Variants in SLCO2A1 observed in about 807,000 individuals in gnomAD.
The protein encoded by SLCO2A1 is matrin F/G 1.
Under a neutral mutation model 71.7 loss-of-function variants are expected in SLCO2A1, and 60 were observed. That is an observed-to-expected ratio of 0.84 (90% confidence interval 0.68 to 1.04). SLCO2A1 has a LOEUF of 1.04. SLCO2A1 is among the 50% of genes least tolerant of loss of function. SLCO2A1 has a pLI of 0.00. For synonymous variants in SLCO2A1, 308 were observed against 326.7 expected (o/e 0.94, Z 0.62); for missense variants, 745 against 813.4 (o/e 0.92, Z 1.02).
chr3:134,005,751 G>A (rs977325339), intron 1 of SLCO2A1, among the ~76,000 whole-genome samples: 5 of 152,090 alleles, frequency 3.3e-5, no homozygotes, highest in African/African-American at 1.2e-4. Flanking sequence ...AAAGTGCTAG[G>A]ATTACAGGCG....
chr3:134,021,649 G>GAGAGAA (rs1935580817), intron 1 of SLCO2A1, among the ~76,000 whole-genome samples: 1 of 150,990 alleles, frequency 6.6e-6, no homozygotes, highest in Non-Finnish European at 1.5e-5. Context: ...AGGAGAGAGA[G>GAGAGAA]AGAGAAAGAG....
chr3:133,961,614 T>C lies in SLCO2A1; in HGVS notation c.398-6421A>G, dbSNP rs2108049148. On this transcript the variant is annotated intron_variant, in intron 3 of 13. Coordinates refer to ENST00000310926, the MANE Select transcript of SLCO2A1 (RefSeq NM_005630.3). ...ATGCAGTGTTCAGGAGGTGAAACTT[T>C]CTGGGGATTGTTTAACTGCTACCAC... Among the ~76,000 whole-genome samples, 4 of 152,330 alleles carry C rather than the reference T, an allele frequency of 2.6e-5. No individual in the cohort carries two copies. The Middle Eastern group carries it at 0.014, about 518-fold the overall frequency.
chr3:134,016,233 G>A (rs1170852581), intron 1 of SLCO2A1, among the ~76,000 whole-genome samples: 1 of 151,994 alleles, frequency 6.6e-6, no homozygotes, highest in Non-Finnish European at 1.5e-5. Flanking sequence ...CTTGTTAAGA[G>A]GATGAAAAAA....
chr3:133,953,469 G>A (rs538728712), intron 5 of SLCO2A1, among the ~76,000 whole-genome samples, 194 bp downstream of exon 5: 8 of 152,376 alleles, frequency 5.3e-5, no homozygotes, highest in South Asian at 2.1e-4. Context: ...AGTGGCCAGC[G>A]TGGGCCCTGA....
chr3:134,023,278 C>T (rs1935629366), intron 1 of SLCO2A1, among the ~76,000 whole-genome samples: 1 of 152,186 alleles, frequency 6.6e-6, no homozygotes, highest in Non-Finnish European at 1.5e-5. Context: ...TTAATCTATT[C>T]TATTACTCTT....
chr3:133,986,859 GC>G (rs892196242), intron 1 of SLCO2A1, among the ~76,000 whole-genome samples: 1 of 152,134 alleles, frequency 6.6e-6, no homozygotes, highest in Non-Finnish European at 1.5e-5. Flanking sequence ...TCTAGACATG[GC>G]TTTTTTTGAT....
chr3:133,947,621 A>G (rs1933620056), intron 8 of SLCO2A1, among the ~76,000 whole-genome samples, 176 bp from the exon 9 acceptor site: 1 of 152,254 alleles, frequency 6.6e-6, no homozygotes, highest in Non-Finnish European at 1.5e-5. Context: ...TGCCAGGCAC[A>G]TCTAGAGAAA....
At chr3:133,981,940 A>G (rs1934601432) in intron 1 of SLCO2A1, among the ~76,000 whole-genome samples, 1 of 144,984 alleles carries the variant, frequency 6.9e-6, no homozygotes, top group Non-Finnish European at 1.5e-5. Flanking sequence ...GTGCCACTGC[A>G]TTCCATCGTG....
At chr3:133,944,786 G>T (rs567022642) in intron 10 of SLCO2A1, among the ~76,000 whole-genome samples, 1 of 152,350 alleles carries the variant, frequency 6.6e-6, no homozygotes, top group South Asian at 2.1e-4. Context: ...CTCAGGATGG[G>T]GCTCAAAGGC....
chr3:134,029,563 C>T, intron 1 of SLCO2A1, 144 bp downstream of exon 1: 2 of 598,740 alleles, frequency 3.3e-6, no homozygotes, highest in Middle Eastern at 4.5e-4. Context: ...CAGCACGCGT[C>T]GCCCGGGGAT....
chr3:133,935,270 A>G (rs1324565739), intron 13 of SLCO2A1, among the ~76,000 whole-genome samples: 1 of 152,124 alleles, frequency 6.6e-6, no homozygotes, highest in Non-Finnish European at 1.5e-5. Context: ...TCTGGGCCAT[A>G]TGACAACGGC....
intron 1 of SLCO2A1, among the ~76,000 whole-genome samples, chr3:134,022,763 G>A (rs1288422019): frequency 6.6e-6 from 1 of 152,094 alleles, no homozygotes; most frequent in Non-Finnish European, 1.5e-5. Context: ...CATATGAGAA[G>A]CACTGTTAAA....
At chr3:134,023,441 C>T (rs1031482963) in intron 1 of SLCO2A1, among the ~76,000 whole-genome samples, 18 of 151,674 alleles carry the variant, frequency 1.2e-4, no homozygotes, top group Non-Finnish European at 2.5e-4. Context: ...GTACTTCTGT[C>T]CCTCCTGACT....
chr3:134,006,049 G>T (rs906463811), intron 1 of SLCO2A1, among the ~76,000 whole-genome samples: 2 of 151,858 alleles, frequency 1.3e-5, no homozygotes, highest in Non-Finnish European at 1.5e-5. Flanking sequence ...CATAAAACTT[G>T]CCATCTTACC....
At chr3:133,985,613 A>G (rs1326106893) in intron 1 of SLCO2A1, among the ~76,000 whole-genome samples, 1 of 152,142 alleles carries the variant, frequency 6.6e-6, no homozygotes, top group Non-Finnish European at 1.5e-5. Flanking sequence ...AAATTACATC[A>G]TGCGTTTGAT....
intron 10 of SLCO2A1, 81 bp from the exon 11 acceptor site, chr3:133,942,849 T>G: frequency 8.6e-6 from 12 of 1,401,994 alleles, no homozygotes; most frequent in African/African-American, 1.5e-5. Flanking sequence ...GCACCAGCTC[T>G]TGTTGGAGAC....
intron 3 of SLCO2A1, among the ~76,000 whole-genome samples, chr3:133,973,277 T>G (rs1047053244): frequency 6.6e-6 from 1 of 152,254 alleles, no homozygotes; most frequent in Non-Finnish European, 1.5e-5. Context: ...CACTGTCACC[T>G]AAAGACAGAA....
rs544631180 is a variant in SLCO2A1, at chr3:134,026,572, C to T, written c.96+3135G>A. ...AAAATCATACAATATTATAGGCCTG[C>T]TAGGCACAAGACGGCTTGTGAGGAT... On this transcript the variant is annotated intron_variant, in intron 1 of 13. Coordinates refer to ENST00000310926, the MANE Select transcript of SLCO2A1 (RefSeq NM_005630.3). 1.6e-4 allele frequency among the ~76,000 whole-genome samples: 24 copies of T among 152,150 alleles called. No individual in the cohort carries two copies. The South Asian group carries it at 5.0e-3, about 32-fold the overall frequency.
chr3:133,942,487 G>T, intron 11 of SLCO2A1, 118 bp downstream of exon 11: 10 of 1,057,520 alleles, frequency 9.5e-6, no homozygotes, highest in Non-Finnish European at 1.2e-5. Context: ...GTCATTTAAA[G>T]GACTCTGAGG....
Sources: allele counts gnomAD v4.1 joint callset (sites outside exome capture counted in the v4.1 genomes callset), GRCh38; gene constraint gnomAD v4.1.1; transcripts MANE v1.5; gene names NCBI Gene and HGNC (gene_info 2026-07-23, HGNC 2026-07-21).